TMEM41B: variants seen among roughly 807,000 people sequenced by gnomAD.
The protein encoded by TMEM41B is protein stasimon.
In TMEM41B, 18 loss-of-function variants were observed where a neutral mutation model predicts 31.9. The ratio of observed to expected loss-of-function variants is 0.56; its 90% CI spans 0.39 to 0.84. The LOEUF is 0.84. TMEM41B is among the 40% of genes least tolerant of loss of function. The pLI, the probability that TMEM41B is intolerant of heterozygous loss-of-function variation, is 0.00. For missense variants in TMEM41B, 322 were observed against 348.0 expected, an observed-to-expected ratio of 0.93 and a Z score of 0.59; for synonymous variants, 144 against 124.3, an observed-to-expected ratio of 1.16 and a Z score of -1.05.
chr11:9,286,026 A>G (rs1038352444), intron 6 of TMEM41B, among the ~76,000 whole-genome samples: 2 of 152,130 alleles, frequency 1.3e-5, no homozygotes, highest in African/African-American at 4.8e-5. Context: ...GAGGCAGGAG[A>G]ATCGCTTGAA....
intron 3 of TMEM41B, among the ~76,000 whole-genome samples, chr11:9,293,564 C>T (rs1853007224): frequency 6.6e-6 from 1 of 152,030 alleles, no homozygotes; most frequent in Non-Finnish European, 1.5e-5. Flanking sequence ...CATATGGATA[C>T]TTCTGATTCT....
At chr11:9,290,978 C>T (rs942643823) in intron 3 of TMEM41B, among the ~76,000 whole-genome samples, 3 of 151,948 alleles carry the variant, frequency 2.0e-5, no homozygotes, top group African/African-American at 7.3e-5. Context: ...TGGCCAGTCA[C>T]AGTGGCTCAT....
intron 3 of TMEM41B, among the ~76,000 whole-genome samples, chr11:9,292,413 CAT>C (rs1406089559): frequency 3.9e-5 from 6 of 152,054 alleles, no homozygotes; most frequent in African/African-American, 9.7e-5. Context: ...TACTATGAAA[CAT>C]AAAGTAAATG....
chr11:9,306,585 CT>C (rs1239900201), intron 1 of TMEM41B, among the ~76,000 whole-genome samples: 1 of 152,034 alleles, frequency 6.6e-6, no homozygotes, highest in Non-Finnish European at 1.5e-5. Flanking sequence ...ACTCAGGATG[CT>C]GAGGCAGGAA....
At position 9,314,408 on chromosome 11, in the gene TMEM41B, A is replaced by T; in HGVS notation, c.34T>A (p.Leu12Met). Residue 12 changes from leucine to methionine, a missense_variant, in exon 1 of 7, where the codon TTG (leucine) becomes ATG (methionine). By Grantham distance (15) the Leu-to-Met change is conservative (BLOSUM62 2). Transcript: ENST00000528080. ...ACGGGGGTCGTGTGGTGAGCGCCCA[A>T]CTGCGATCGTTCGGCGACTCTGCCT... ...AKGRVAERSQ[L>M]GAHHTTPVGD... 2 of 1,566,744 alleles carry T rather than the reference A, an allele frequency of 1.3e-6. No individual in the cohort carries two copies. Among genetic ancestry groups the T allele is most frequent in the Non-Finnish European group, 1.7e-6 (2 of 1,155,732 alleles).
intron 1 of TMEM41B, among the ~76,000 whole-genome samples, chr11:9,300,873 G>T (rs143660123): frequency 6.7e-6 from 1 of 149,532 alleles, no homozygotes; most frequent in Admixed American, 6.7e-5. Context: ...GCAAGATTCC[G>T]TCTCAAAAAA....
chr11:9,290,311 G>A (rs1409899985), intron 3 of TMEM41B, among the ~76,000 whole-genome samples: 1 of 152,112 alleles, frequency 6.6e-6, no homozygotes, highest in Non-Finnish European at 1.5e-5. Flanking sequence ...CAGGAAGCAG[G>A]AGATTGCAGT....
chr11:9,293,961 T>G (rs1853016859), intron 3 of TMEM41B, among the ~76,000 whole-genome samples: 1 of 151,890 alleles, frequency 6.6e-6, no homozygotes, highest in South Asian at 2.1e-4. Flanking sequence ...TCCCAGCACT[T>G]TGGGAGGCTG....
chr11:9,303,646 TTTTC>T (rs1853309300), intron 1 of TMEM41B, among the ~76,000 whole-genome samples: 2 of 139,694 alleles, frequency 1.4e-5, no homozygotes, highest in African/African-American at 5.3e-5. Context: ...CTATTATTCT[TTTTC>T]TTTTTTTTTT....
Position 9,299,686 on chromosome 11 carries a change from T to C in TMEM41B, c.137A>G (p.Glu46Gly), listed in dbSNP as rs757387806. Residue 46 changes from glutamate to glycine, a missense_variant, in exon 2 of 7, where the codon GAA becomes GGA. Coordinates refer to ENST00000528080, the MANE Select transcript of TMEM41B (RefSeq NM_015012.4). ...RDHQKEKSWV[E>G]AGSARMSLLI... is the part of the protein sequence containing the mutation. ...GAGTGACATTCTTGCTGATCCAGCT[T>C]CTACCCAGGATTTTTCTGGAAGAAA... 6.2e-7 allele frequency: 1 copy of C among 1,608,396 alleles called. No homozygotes were observed. Among genetic ancestry groups the C allele is most frequent in the Admixed American group, 1.7e-5 (1 of 58,244 alleles).
At chr11:9,283,768 T>A (rs2133606424) in intron 6 of TMEM41B, among the ~76,000 whole-genome samples, 175 bp from the exon 7 acceptor site, 1 of 151,918 alleles carries the variant, frequency 6.6e-6, no homozygotes, top group South Asian at 2.1e-4. Context: ...TCTTTCCTAA[T>A]CACCTCTTAA....
chr11:9,283,520 A>C lies in TMEM41B; in HGVS notation c.780T>G (p.Ala260=). 6.2e-7 allele frequency: 1 copy of C among 1,613,700 alleles called. No individual in the cohort carries two copies. The highest frequency in any genetic ancestry group is 8.5e-7 in the Non-Finnish European group (1 of 1,179,846). ...TLYQLTTAGE[A]VSWNSIFILM... ...GAATAAATATTGAGTTCCAGGAAAC[A>C]GCTTCTCCTGCTGTTGTAAGTTGAT... The change falls in exon 7 of 7, where the codon GCT becomes GCG. Residue 260 remains alanine, a synonymous_variant. Transcript: ENST00000528080.
intron 5 of TMEM41B, 57 bp from the exon 6 acceptor site, chr11:9,286,650 C>T: frequency 6.6e-7 from 1 of 1,514,142 alleles, no homozygotes; most frequent in Non-Finnish European, 8.9e-7. Flanking sequence ...AAATAAGTTG[C>T]TTAATATAAA....
At position 9,283,286 on chromosome 11, in the gene TMEM41B, C is replaced by T. The variant is rs1354092030; in HGVS notation, c.*138G>A. The T allele has an allele frequency of 8.7e-6, 6 of 686,996 alleles. No homozygotes were observed. The highest frequency in any genetic ancestry group is 1.2e-5 in the Non-Finnish European group (5 of 428,796). The allele number at this position is 686,996 out of a possible 1,614,324, so 42.6% of individuals were successfully genotyped here. A position where few individuals can be genotyped will look rare whatever the true frequency, so the allele number is the denominator to read the frequency against. ...CTCCCCTTGTCACTTAAATGTATTA[C>T]TTTAACTATCTGATAGGAAATTTTA... On this transcript the variant is annotated 3_prime_UTR_variant, in exon 7 of 7. Coordinates refer to ENST00000528080, the MANE Select transcript of TMEM41B (RefSeq NM_015012.4).
chr11:9,295,254 G>T lies in TMEM41B; in HGVS notation c.368+5C>A. The T allele has an allele frequency of 6.5e-7, 1 of 1,536,872 alleles. No individual in the cohort carries two copies. The highest frequency in any genetic ancestry group is 8.8e-7 in the Non-Finnish European group (1 of 1,133,826). ...TAGAAAACATTTTTTCAGTTAAAAG[G>T]ATACAAAATATATGTAGCAAAATAA... On this transcript the variant is annotated splice_donor_5th_base_variant and intron_variant, in intron 3 of 6. Coordinates refer to ENST00000528080, the MANE Select transcript of TMEM41B (RefSeq NM_015012.4).
chr11:9,304,002 T>C (rs908787389), intron 1 of TMEM41B, among the ~76,000 whole-genome samples: 1 of 152,184 alleles, frequency 6.6e-6, no homozygotes, highest in Non-Finnish European at 1.5e-5. Flanking sequence ...CTTTGTTATA[T>C]TTCATCTTAA....
intron 1 of TMEM41B, 88 bp downstream of exon 1, chr11:9,314,233 A>G (rs1341832959): frequency 2.7e-5 from 39 of 1,420,824 alleles, no homozygotes; most frequent in East Asian, 8.4e-5. Context: ...TTTCCCCGCG[A>G]CTCTCCGAGA....
chr11:9,312,531 T>A (rs1853585175), intron 1 of TMEM41B, among the ~76,000 whole-genome samples: 1 of 152,086 alleles, frequency 6.6e-6, no homozygotes, highest in South Asian at 2.1e-4. Flanking sequence ...TACTTCATCA[T>A]GAAGTGAAGG....
chr11:9,307,124 TCTC>T (rs1363086932), intron 1 of TMEM41B, among the ~76,000 whole-genome samples: 1 of 152,108 alleles, frequency 6.6e-6, no homozygotes, highest in Non-Finnish European at 1.5e-5. Context: ...GCTCCATAAT[TCTC>T]CTACTACTTT....
Sources: allele counts gnomAD v4.1 joint callset (sites outside exome capture counted in the v4.1 genomes callset), GRCh38; gene constraint gnomAD v4.1.1; transcripts MANE v1.5; gene names NCBI Gene and HGNC (gene_info 2026-07-23, HGNC 2026-07-21).